PAX5: variants seen among roughly 807,000 people sequenced by gnomAD.
PAX5 encodes paired box 5.
A neutral mutation model predicts 43.7 loss-of-function variants in PAX5; 9 were observed. That is an observed-to-expected ratio of 0.21 (90% CI 0.12 to 0.36). The LOEUF is 0.36. Among genes scored for constraint, PAX5 ranks in the 10% least tolerant of loss-of-function variants. PAX5 has a pLI of 1.00. For missense variants in PAX5, 383 were observed against 532.7 expected (o/e 0.72, Z 2.77); for synonymous variants, 228 against 214.3 (o/e 1.06, Z -0.56).
rs1226060783 is a variant in PAX5, at chr9:36,882,229, G to T, written c.911-124C>A. Reference sequence around the variant, plus strand: ...GACGCTGAACGGCAATGTGCCCCCAGCTCCCCCCTGTCGCTCACACGCTCT... The same window carrying T: ...GACGCTGAACGGCAATGTGCCCCCATCTCCCCCCTGTCGCTCACACGCTCT... On this transcript the variant is annotated intron_variant, in intron 7 of 9. Transcript: ENST00000358127. The surrounding 1 kb of genome is among the most constrained non-coding windows in gnomAD (Gnocchi z 4.4). The T allele has an allele frequency of 9.0e-6, 6 of 667,722 alleles. No individual in the cohort carries two copies. The East Asian group carries it at 1.7e-4, about 19-fold the overall frequency. 41.4% of individuals were successfully genotyped at this position (667,722 alleles called of 1,614,324 possible).
At chr9:36,954,522 C>T (rs530303994) in intron 6 of PAX5, among the ~76,000 whole-genome samples, 2 of 152,320 alleles carry the variant, frequency 1.3e-5, no homozygotes, top group African/African-American at 4.8e-5. Context: ...GTAATTATTA[C>T]TATCTCTTAA....
In PAX5 at chr9:37,012,638, A is replaced by C. The variant is rs527962958; in HGVS notation, c.410+2359T>G. ...CATGCCCCTTCACAGTCTTTGCCAC[A>C]TCTGTAACCACTGCTCTATTTGCCT... On this transcript the variant is annotated intron_variant, in intron 3 of 9. Transcript: ENST00000358127. Among the ~76,000 whole-genome samples the C allele has an allele frequency of 2.4e-4, 36 of 152,298 alleles. 1 individual carries two copies. In the South Asian group the frequency reaches 7.2e-3, roughly 31 times the overall value.
At chr9:36,908,525 T>C (rs1329319957) in intron 7 of PAX5, among the ~76,000 whole-genome samples, 1 of 152,200 alleles carries the variant, frequency 6.6e-6, no homozygotes, top group Non-Finnish European at 1.5e-5. Flanking sequence ...TAGGCTGATG[T>C]CTGACATGAA....
chr9:36,941,231 A>G (rs1832021918), intron 6 of PAX5, among the ~76,000 whole-genome samples: 1 of 152,226 alleles, frequency 6.6e-6, no homozygotes, highest in Non-Finnish European at 1.5e-5. Context: ...TCAGCTACCT[A>G]TCTGTGGAAC....
In PAX5 at chr9:36,882,116, A is replaced by G; in HGVS notation, c.911-11T>C. 6.4e-7 allele frequency: 1 copy of G among 1,573,786 alleles called. No individual in the cohort carries two copies. On this transcript the variant is annotated splice_polypyrimidine_tract_variant and intron_variant, in intron 7 of 9. Transcript: ENST00000358127. The surrounding 1 kb of genome is among the most constrained non-coding windows in gnomAD (Gnocchi z 4.4). ...TCGCCAAGTCACGGCCTGAGGAATC[A>G]AAGCAACAAATCACAGGGTGAGCAT... is the stretch of plus-strand genomic sequence containing the variant.
At chr9:36,974,740 G>T in intron 5 of PAX5, among the ~76,000 whole-genome samples, 1 of 152,288 alleles carries the variant, frequency 6.6e-6, no homozygotes. Flanking sequence ...CTGGCAGAGA[G>T]TTTAGTGTCC....
chr9:37,011,883 G>C (rs1838960592), intron 3 of PAX5, among the ~76,000 whole-genome samples: 2 of 152,190 alleles, frequency 1.3e-5, no homozygotes, highest in Non-Finnish European at 2.9e-5. Context: ...GGCTGGGAGA[G>C]ATGTGGACCC....
At chr9:36,966,902 T>C (rs1249093948) in intron 5 of PAX5, among the ~76,000 whole-genome samples, 178 bp from the exon 6 acceptor site, 1 of 152,192 alleles carries the variant, frequency 6.6e-6, no homozygotes, top group Non-Finnish European at 1.5e-5. Flanking sequence ...GCTGGTAAGT[T>C]CAGAGTCAGC....
At chr9:37,001,889 C>T (rs1287538536) in intron 5 of PAX5, among the ~76,000 whole-genome samples, 1 of 138,758 alleles carries the variant, frequency 7.2e-6, no homozygotes, top group African/African-American at 2.7e-5. Context: ...CCTCTCAAAC[C>T]CATTAATGTC....
At chr9:36,974,868 C>G (rs559370397) in intron 5 of PAX5, among the ~76,000 whole-genome samples, 3 of 152,262 alleles carry the variant, frequency 2.0e-5, no homozygotes, top group African/African-American at 7.2e-5. Flanking sequence ...CAGGGTCACC[C>G]CCCACTTCAC....
At position 36,949,499 on chromosome 9, in the gene PAX5, C is replaced by A. The variant is rs1251254633; in HGVS notation, c.780+17050G>T. Reference sequence around the variant, plus strand: ...TATTTGTTTGAGATGTGATAATAACCAGTGTTCTCAAAGCTAGGAATAAAG... The same window carrying A: ...TATTTGTTTGAGATGTGATAATAACAAGTGTTCTCAAAGCTAGGAATAAAG... On this transcript the variant is annotated intron_variant, in intron 6 of 9. Coordinates refer to ENST00000358127, the MANE Select transcript of PAX5 (RefSeq NM_016734.3). Among the ~76,000 whole-genome samples, 4 of 152,186 alleles carry A rather than the reference C, an allele frequency of 2.6e-5. No homozygotes were observed. In the East Asian group the frequency reaches 7.7e-4, roughly 29 times the overall value.
In PAX5 at chr9:36,960,811, C is replaced by G. The variant is rs548370735; in HGVS notation, c.780+5738G>C. 3.3e-5 allele frequency among the ~76,000 whole-genome samples: 5 copies of G among 152,336 alleles called. No individual in the cohort carries two copies. In the South Asian group the frequency reaches 8.3e-4, roughly 25 times the overall value. On this transcript the variant is annotated intron_variant, in intron 6 of 9. Coordinates refer to ENST00000358127, the MANE Select transcript of PAX5 (RefSeq NM_016734.3). The stretch of plus-strand genomic sequence containing the variant: ...AACCATCCAGGCCCCCTTGCAGCTC[C>G]CTGCCCACACCTGCATTCCTCTCTT...
At chr9:36,960,498 G>A (rs888055279) in intron 6 of PAX5, among the ~76,000 whole-genome samples, 16 of 152,172 alleles carry the variant, frequency 1.1e-4, no homozygotes, top group Admixed American at 9.2e-4. Context: ...ATGAAGGTCC[G>A]GGGTTGGGTT....
rs56223123 is a variant in PAX5 at position 36,929,235 on chromosome 9, GAGGA to G, written c.781-5755_781-5752del. ...AGGAAGGAAGGAAGAAGGAAGGAAG[GAGGA>G]AGGAAGGAAGGAAGGAAGGAAGGAA... On this transcript the variant is annotated intron_variant, in intron 6 of 9. Coordinates refer to ENST00000358127, the MANE Select transcript of PAX5 (RefSeq NM_016734.3). 8.9e-3 allele frequency among the ~76,000 whole-genome samples: 1,195 copies of G among 134,414 alleles called. 15 individuals carry two copies. Among genetic ancestry groups the G allele is most frequent in the African/African-American group, 0.024 (843 of 35,372 alleles). The allele number at this position is 134,414 out of a possible 152,430, so 88.2% of individuals were successfully genotyped here.
At chr9:36,971,581 G>A (rs184961523) in intron 5 of PAX5, among the ~76,000 whole-genome samples, 2 of 152,180 alleles carry the variant, frequency 1.3e-5, no homozygotes, top group Non-Finnish European at 1.5e-5. Context: ...GGACAGACAC[G>A]GGCAAAAGTA....
intron 1 of PAX5, among the ~76,000 whole-genome samples, chr9:37,027,692 G>T (rs1157545895): frequency 6.6e-6 from 1 of 152,236 alleles, no homozygotes; most frequent in East Asian, 1.9e-4. Context: ...TTCAGGACCC[G>T]CTGCGTGTGG....
chr9:36,871,846 C>T (rs756994981), intron 8 of PAX5, among the ~76,000 whole-genome samples: 7 of 152,180 alleles, frequency 4.6e-5, no homozygotes, highest in Non-Finnish European at 7.3e-5. Context: ...ACTTCCCAGG[C>T]GGGCCAGTGA....
chr9:36,934,840 G>A (rs879291404), intron 6 of PAX5, among the ~76,000 whole-genome samples: 8 of 152,192 alleles, frequency 5.3e-5, no homozygotes, highest in Admixed American at 1.3e-4. Context: ...CCTCATCTTT[G>A]TGGCAGCAGC....
intron 5 of PAX5, among the ~76,000 whole-genome samples, chr9:36,977,414 G>C (rs1835530772): frequency 6.6e-6 from 1 of 152,128 alleles, no homozygotes; most frequent in South Asian, 2.1e-4. Flanking sequence ...TCCAGAGTCT[G>C]CTCCTAGCCC....
Sources: allele counts gnomAD v4.1 joint callset (sites outside exome capture counted in the v4.1 genomes callset), GRCh38; gene constraint gnomAD v4.1.1; non-coding constraint Gnocchi (gnomAD v3.1); transcripts MANE v1.5; gene names NCBI Gene and HGNC (gene_info 2026-07-23, HGNC 2026-07-21).